The following ERCC1 variants were observed in gnomAD, a reference collection of about 807,000 sequenced individuals.
The protein encoded by ERCC1 is DNA excision repair protein ERCC-1.
Under a neutral mutation model 37.6 loss-of-function variants are expected in ERCC1, and 36 were observed. That is an observed-to-expected ratio of 0.96 (90% CI 0.73 to 1.26). ERCC1 has a LOEUF of 1.26. Among genes scored for constraint, ERCC1 ranks in the 50% most tolerant of loss-of-function variants. ERCC1 has a pLI of 0.00. For missense variants in ERCC1, 349 were observed against 376.5 expected (o/e 0.93, Z 0.60); for synonymous variants, 156 against 162.1 (o/e 0.96, Z 0.28).
Position 45,420,218 on chromosome 19 carries a change from C to T in ERCC1, c.425+106G>A. On this transcript the variant is annotated intron_variant, in intron 4 of 9. Coordinates refer to ENST00000300853, the MANE Select transcript of ERCC1 (RefSeq NM_001983.4). This position sits in a 1 kb window ranked among gnomAD's most constrained non-coding sequence, Gnocchi z 4.8. ...CCACCAAGGCCCAGAACCTGCAGGA[C>T]CATGCCCAGAGGCTTCTCATAGAAC... 2 of 796,570 alleles carry T rather than the reference C, an allele frequency of 2.5e-6. No individual in the cohort carries two copies. The highest frequency in any genetic ancestry group is 4.3e-6 in the Non-Finnish European group (2 of 467,188). 49.3% of individuals were successfully genotyped at this position (796,570 alleles called of 1,614,324 possible).
At position 45,407,810 on chromosome 19, in the gene ERCC1, C is replaced by T. The variant is rs1269855508; in HGVS notation, c.*1865G>A. ...AGTGGCTGGTGCCTGTAATCCCATC[C>T]TTTGGGAGGCCGAGGCGAGCAGATC... is the stretch of plus-strand genomic sequence containing the variant. On this transcript the variant is annotated 3_prime_UTR_variant, in exon 10 of 10. Transcript: ENST00000300853. 2 of 269,156 alleles carry T rather than the reference C, an allele frequency of 7.4e-6. No individual in the cohort carries two copies. Among genetic ancestry groups the T allele is most frequent in the South Asian group, 1.2e-4 (1 of 8,622 alleles). 16.7% of individuals were successfully genotyped at this position (269,156 alleles called of 1,614,324 possible). A position where few individuals can be genotyped will look rare whatever the true frequency, so the allele number is the denominator to read the frequency against.
upstream of ERCC1, among the ~76,000 whole-genome samples, chr19:45,424,960 T>C (rs12610134): frequency 6.3e-3 from 945 of 150,404 alleles, 16 homozygotes; most frequent in East Asian, 0.068. Flanking sequence ...TTCGCTCTTA[T>C]TACCCAGGCT....
At chr19:45,446,219 G>T (rs1402645826) in intron 1 of ERCC1, among the ~76,000 whole-genome samples, 1 of 152,090 alleles carries the variant, frequency 6.6e-6, no homozygotes, top group East Asian at 1.9e-4. Flanking sequence ...TTTTAACAGG[G>T]TCCTTTGGGT....
rs1308164534 is a variant in ERCC1 at position 45,420,522 on chromosome 19, CCACCTCTTCCCACACCTCCTGCCTCCTCG to C, written c.322-124_322-96del. The C allele has an allele frequency of 4.1e-5, 31 of 757,342 alleles. No individual in the cohort carries two copies. The highest frequency in any genetic ancestry group is 2.2e-4 in the Admixed American group (11 of 50,394). The allele number at this position is 757,342 out of a possible 1,614,324, so 46.9% of individuals were successfully genotyped here. A position where few individuals can be genotyped will look rare whatever the true frequency, so the allele number is the denominator to read the frequency against. ...CTCTTCTTGCACCTCCTCCCTCCTCCCACCTCTTCCCACACCTCCTGCCTCCTCGCACCTCTTCCCACACCTCCTCCCTC... is the reference window on the plus strand; with the variant it reads ...CTCTTCTTGCACCTCCTCCCTCCTCCCACCTCTTCCCACACCTCCTCCCTC... On this transcript the variant is annotated intron_variant, in intron 3 of 9. Coordinates refer to ENST00000300853, the MANE Select transcript of ERCC1 (RefSeq NM_001983.4). This position sits in a 1 kb window ranked among gnomAD's most constrained non-coding sequence, Gnocchi z 4.8.
rs926669060 is a variant in ERCC1 at position 45,409,813 on chromosome 19, T to C, written c.844-88A>G. On this transcript the variant is annotated intron_variant, in intron 9 of 9. Transcript: ENST00000300853. ...CTAGAGTGGGGTTTTGGTTCTTTAT[T>C]TTCCCCTATACCCTCAAGCATTTAT... 4 of 717,720 alleles carry C rather than the reference T, an allele frequency of 5.6e-6. No homozygotes were observed. The African/African-American group carries it at 7.0e-5, about 13-fold the overall frequency. 44.5% of individuals were successfully genotyped at this position (717,720 alleles called of 1,614,324 possible). A position where few individuals can be genotyped will look rare whatever the true frequency, so the allele number is the denominator to read the frequency against.
chr19:45,449,146 G>A (rs949658188), intron 1 of ERCC1: 6 of 152,242 alleles, frequency 3.9e-5, no homozygotes, highest in Non-Finnish European at 7.3e-5. Flanking sequence ...AGAGGAAGCA[G>A]AGGGTTAGAG....
At chr19:45,430,262 G>A (rs542540436) in intron 1 of ERCC1, among the ~76,000 whole-genome samples, 5 of 152,316 alleles carry the variant, frequency 3.3e-5, no homozygotes, top group African/African-American at 4.8e-5. Context: ...GACATTTCCC[G>A]TTATAATAGC....
At position 45,414,862 on chromosome 19, in the gene ERCC1, C is replaced by T. The variant is rs769714704; in HGVS notation, c.701G>A (p.Arg234Gln). 22 of 1,610,862 alleles carry T rather than the reference C, an allele frequency of 1.4e-5. No individual in the cohort carries two copies. Among genetic ancestry groups the T allele is most frequent in the East Asian group, 4.5e-5 (2 of 44,840 alleles). Residue 234 changes from arginine (R) to glutamine (Q), a missense_variant and splice_region_variant, in exon 7 of 10, where the codon CGG (arginine) becomes CAG (glutamine). Transcript: ENST00000300853. ...GGATGGGAGGTGAGGTGGCCTCACC[C>T]GGGAGACGAAGTCCTGCTCTAGCTT... ...MEKLEQDFVS[R>Q]VTECLTTVKS...
chr19:45,415,170 C>T (rs1467167686), intron 6 of ERCC1, among the ~76,000 whole-genome samples: 2 of 151,802 alleles, frequency 1.3e-5, no homozygotes, highest in South Asian at 4.2e-4. Context: ...CTCGTTTCTA[C>T]TAAAAATACA....
At chr19:45,448,803 A>C (rs1434856713) in intron 1 of ERCC1, among the ~76,000 whole-genome samples, 1 of 152,112 alleles carries the variant, frequency 6.6e-6, no homozygotes, top group Non-Finnish European at 1.5e-5. Flanking sequence ...CCGCCCCAGG[A>C]GAGATGTATT....
At chr19:45,417,627 A>G (rs1974144232) in intron 5 of ERCC1, among the ~76,000 whole-genome samples, 1 of 152,134 alleles carries the variant, frequency 6.6e-6, no homozygotes, top group African/African-American at 2.4e-5. Context: ...GTTGGAGGTC[A>G]CACAGGGCCC....
At chr19:45,414,686 G>A in intron 7 of ERCC1, 175 bp downstream of exon 7, 1 of 585,704 alleles carries the variant, frequency 1.7e-6, no homozygotes, top group Non-Finnish European at 3.1e-6. Flanking sequence ...GAGCTAGGGA[G>A]GGTAGCAGCA....
upstream of ERCC1, among the ~76,000 whole-genome samples, chr19:45,425,328 C>G: frequency 6.6e-6 from 1 of 151,996 alleles, no homozygotes; most frequent in East Asian, 1.9e-4. Flanking sequence ...GACACGGTCC[C>G]AAACAGTAAT....
chr19:45,411,893 G>C (rs1036191672), intron 9 of ERCC1, among the ~76,000 whole-genome samples: 1 of 151,670 alleles, frequency 6.6e-6, no homozygotes. Flanking sequence ...GTCTCACTCT[G>C]TCACCCAGGC....
Position 45,408,684 on chromosome 19 carries a change from T to G in ERCC1, c.*991A>C. On this transcript the variant is annotated 3_prime_UTR_variant, in exon 10 of 10. Coordinates refer to ENST00000300853, the MANE Select transcript of ERCC1 (RefSeq NM_001983.4). ...GGGACAGAGCCCACAGTGGAGACAC[T>G]GGAGCCTCTGGGAGTGCTGTTCCCG... 1 of 1,613,204 alleles carries G rather than the reference T, an allele frequency of 6.2e-7. No homozygotes were observed. The highest frequency in any genetic ancestry group is 8.5e-7 in the Non-Finnish European group (1 of 1,179,810).
chr19:45,434,176 AGAG>A (rs1254250887), intron 1 of ERCC1, among the ~76,000 whole-genome samples: 1 of 147,016 alleles, frequency 6.8e-6, no homozygotes, highest in Non-Finnish European at 1.5e-5. Flanking sequence ...AAAAAAAAAA[AGAG>A]GAAGAAGAAG....
chr19:45,409,284 A>G lies in ERCC1; in HGVS notation c.*391T>C. 2 of 1,614,122 alleles carry G rather than the reference A, an allele frequency of 1.2e-6. No individual in the cohort carries two copies. The highest frequency in any genetic ancestry group is 1.7e-6 in the Non-Finnish European group (2 of 1,180,014). ...GGTCACACAGTGACTGAGCCAATTC[A>G]GCCACTAGAGCCTGAACTGCCAGGG... On this transcript the variant is annotated 3_prime_UTR_variant, in exon 10 of 10. Coordinates refer to ENST00000300853, the MANE Select transcript of ERCC1 (RefSeq NM_001983.4).
intron 1 of ERCC1, among the ~76,000 whole-genome samples, chr19:45,440,986 T>G (rs575397958): frequency 4.6e-5 from 7 of 152,130 alleles, no homozygotes; most frequent in African/African-American, 1.4e-4. Flanking sequence ...CAAGCTATCC[T>G]CTGGCCTCCT....
chr19:45,425,712 T>A (rs969136868), upstream of ERCC1, among the ~76,000 whole-genome samples: 4 of 152,154 alleles, frequency 2.6e-5, no homozygotes, highest in Non-Finnish European at 4.4e-5. Flanking sequence ...TGTTTATGAG[T>A]GATGTAACCA....
Sources: allele counts gnomAD v4.1 joint callset (sites outside exome capture counted in the v4.1 genomes callset), GRCh38; gene constraint gnomAD v4.1.1; non-coding constraint Gnocchi (gnomAD v3.1); transcripts MANE v1.5; gene names NCBI Gene and HGNC (gene_info 2026-07-23, HGNC 2026-07-21).